NME7: variants seen among roughly 807,000 people sequenced by gnomAD.
NME7 encodes the protein NME/NM23 family member 7, also known as nucleoside diphosphate kinase 7.
NME7 carries 41 observed loss-of-function variants against 49.1 expected under a neutral mutation model. The observed-to-expected ratio is 0.83, with a 90% CI of 0.65 to 1.08. The LOEUF (loss-of-function observed/expected upper bound fraction) is 1.08, where lower values mean the gene tolerates loss of function less well. Among genes scored for constraint, NME7 ranks in the 50% least tolerant of loss-of-function variants. The pLI is 0.00. For missense variants in NME7, 423 were observed against 463.4 expected (o/e 0.91, Z 0.80); for synonymous variants, 139 against 150.6 (o/e 0.92, Z 0.56).
chr1:169,258,012 C>T (rs951616065), intron 7 of NME7, among the ~76,000 whole-genome samples: 1 of 133,008 alleles, frequency 7.5e-6, no homozygotes, highest in African/African-American at 2.5e-5. Context: ...TTGTTCCTTA[C>T]CTATAATTAG....
At chr1:169,278,845 T>C (rs1321852673) in intron 7 of NME7, among the ~76,000 whole-genome samples, 1 of 152,192 alleles carries the variant, frequency 6.6e-6, no homozygotes, top group Non-Finnish European at 1.5e-5. Flanking sequence ...ATGATGGTGA[T>C]GTACAGATGG....
At chr1:169,314,764 A>T (rs1437906957) in intron 3 of NME7, among the ~76,000 whole-genome samples, 2 of 152,118 alleles carry the variant, frequency 1.3e-5, no homozygotes, top group Non-Finnish European at 2.9e-5. Flanking sequence ...TTAAAGAAAA[A>T]AAAAGATATA....
chr1:169,212,854 C>T (rs1660867328), intron 10 of NME7, among the ~76,000 whole-genome samples: 1 of 152,034 alleles, frequency 6.6e-6, no homozygotes, highest in Non-Finnish European at 1.5e-5. Flanking sequence ...GTCTCAAACT[C>T]CTGGCTTCAA....
At chr1:169,330,843 C>T (rs1289943061) in intron 1 of NME7, among the ~76,000 whole-genome samples, 1 of 151,884 alleles carries the variant, frequency 6.6e-6, no homozygotes, top group Non-Finnish European at 1.5e-5. Flanking sequence ...GGAAGAAATT[C>T]AAAACCTAAA....
At position 169,274,223 on chromosome 1, in the gene NME7, T is replaced by G. The variant is rs565819537; in HGVS notation, c.754+13080A>C. Among the ~76,000 whole-genome samples, 935 of 134,104 alleles carry G rather than the reference T, an allele frequency of 7.0e-3. 96 individuals carry two copies. The highest frequency in any genetic ancestry group is 0.023 in the African/African-American group (893 of 39,660). 88.0% of individuals were successfully genotyped at this position (134,104 alleles called of 152,430 possible). ...GCATTTCTCTGATGGCCAGTGATGA[T>G]GAGCATTTTTTCATGTGTCTTTTGG... On this transcript the variant is annotated intron_variant, in intron 7 of 11. Transcript: ENST00000367811.
chr1:169,288,482 GA>G (rs1003722703), intron 6 of NME7, among the ~76,000 whole-genome samples: 113 of 152,064 alleles, frequency 7.4e-4, no homozygotes, highest in Non-Finnish European at 1.3e-3. Flanking sequence ...TCCTTCTGTT[GA>G]AAAAAATCCA....
chr1:169,330,814 A>G (rs1463369051), intron 1 of NME7, among the ~76,000 whole-genome samples: 2 of 152,306 alleles, frequency 1.3e-5, no homozygotes, highest in South Asian at 2.1e-4. Context: ...GATATATACA[A>G]TCTACCAAGA....
rs1650164051 is a variant in NME7, at chr1:169,284,154, CT to C, written c.754+3148del. ...GAGGCTTTGTTCATTTCTTTTTATT[CT>C]TTTTTCTCTAATCTGGTCTTCTCTT... On this transcript the variant is annotated intron_variant, in intron 7 of 11. Transcript: ENST00000367811. 5 of 152,122 alleles carry C rather than the reference CT, an allele frequency of 3.3e-5. 1 individual carries two copies. Among genetic ancestry groups the C allele is most frequent in the African/African-American group, 1.2e-4 (5 of 41,522 alleles). 9.4% of individuals were successfully genotyped at this position (152,122 alleles called of 1,614,324 possible).
chr1:169,190,241 T>C, intron 10 of NME7, among the ~76,000 whole-genome samples: 1 of 152,088 alleles, frequency 6.6e-6, no homozygotes, highest in East Asian at 1.9e-4. Flanking sequence ...TTAATCCATA[T>C]GCTGGAACAC....
At chr1:169,356,067 G>C (rs1283107581) in intron 1 of NME7, among the ~76,000 whole-genome samples, 2 of 152,138 alleles carry the variant, frequency 1.3e-5, no homozygotes, top group African/African-American at 2.4e-5. Context: ...AACTAGCAGG[G>C]AAATTCAGTG....
chr1:169,314,559 T>A (rs1651536258), intron 3 of NME7, among the ~76,000 whole-genome samples: 1 of 152,064 alleles, frequency 6.6e-6, no homozygotes, highest in East Asian at 1.9e-4. Context: ...GCCAAGTATA[T>A]TAGTAGTTAC....
chr1:169,333,640 T>A (rs999692611), intron 1 of NME7, among the ~76,000 whole-genome samples: 2 of 151,802 alleles, frequency 1.3e-5, no homozygotes, highest in African/African-American at 4.8e-5. Flanking sequence ...CCCATAAACA[T>A]TTAATATTTT....
At chr1:169,157,980 A>G (rs1659126650) in intron 11 of NME7, among the ~76,000 whole-genome samples, 1 of 152,226 alleles carries the variant, frequency 6.6e-6, no homozygotes, top group South Asian at 2.1e-4. Flanking sequence ...CAGTTTGCCC[A>G]AATTTTCTCC....
intron 7 of NME7, among the ~76,000 whole-genome samples, chr1:169,282,236 A>G (rs1438874772): frequency 6.6e-6 from 1 of 152,188 alleles, no homozygotes; most frequent in Non-Finnish European, 1.5e-5. Context: ...TTATTTGCGT[A>G]GAGGTGTTTA....
At chr1:169,147,892 C>T (rs116506690) in intron 11 of NME7, among the ~76,000 whole-genome samples, 2,682 of 152,196 alleles carry the variant, frequency 0.018, 74 homozygotes, top group African/African-American at 0.059. Context: ...AAGGATATAG[C>T]GATTGTTATA....
chr1:169,226,089 C>T (rs922694558), intron 10 of NME7, among the ~76,000 whole-genome samples: 2 of 152,026 alleles, frequency 1.3e-5, no homozygotes, highest in Admixed American at 1.3e-4. Context: ...CATTAGGTAC[C>T]TGGCCATCTT....
intron 1 of NME7, among the ~76,000 whole-genome samples, chr1:169,366,856 T>C (rs924277511): frequency 5.9e-5 from 9 of 151,828 alleles, no homozygotes; most frequent in Non-Finnish European, 1.2e-4. Flanking sequence ...CTGAGTAGTA[T>C]GAAGAAACAA....
chr1:169,250,661 G>T (rs1321682382), intron 7 of NME7, among the ~76,000 whole-genome samples: 2 of 151,966 alleles, frequency 1.3e-5, no homozygotes, highest in Non-Finnish European at 2.9e-5. Flanking sequence ...CAGAGATTTT[G>T]ATAACTTGTG....
rs533286071 is a variant in NME7 at position 169,220,315 on chromosome 1, T to G, written c.990+10403A>C. On this transcript the variant is annotated intron_variant, in intron 10 of 11. Coordinates refer to ENST00000367811, the MANE Select transcript of NME7 (RefSeq NM_013330.5). Reference sequence around the variant, plus strand: ...TCTATTTAAAAATTATAAGTGAATATAAATAAACTTTATTACAGTTCAATT... The same window carrying G: ...TCTATTTAAAAATTATAAGTGAATAGAAATAAACTTTATTACAGTTCAATT... 2.0e-5 allele frequency among the ~76,000 whole-genome samples: 3 copies of G among 152,336 alleles called. No homozygotes were observed. The South Asian group carries it at 6.2e-4, about 32-fold the overall frequency.
Sources: gnomAD v4.1 joint callset for allele counts (sites outside exome capture counted in the v4.1 genomes callset) on GRCh38, gnomAD v4.1.1 for gene constraint, MANE v1.5 for transcripts, NCBI Gene and HGNC (gene_info 2026-07-23, HGNC 2026-07-21) for gene names.